Variants in MYCBP2 observed in about 807,000 individuals in gnomAD.
MYCBP2 encodes MYC binding protein 2.
In MYCBP2, 120 loss-of-function variants were observed where a neutral mutation model predicts 525.3. The ratio of observed to expected loss-of-function variants is 0.23; its 90% CI spans 0.20 to 0.27. The LOEUF (loss-of-function observed/expected upper bound fraction) is 0.27, where lower values mean the gene tolerates loss of function less well. MYCBP2 is among the 10% of genes least tolerant of loss of function. The pLI, the probability that MYCBP2 is intolerant of heterozygous loss-of-function variation, is 1.00. For missense variants in MYCBP2, 4,149 were observed against 5,657.1 expected, an observed-to-expected ratio of 0.73 and a Z score of 8.55; for synonymous variants, 1,894 against 1,955.8, an observed-to-expected ratio of 0.97 and a Z score of 0.83.
chr13:77,186,871 T>C (rs2060777328), intron 30 of MYCBP2, among the ~76,000 whole-genome samples: 1 of 148,992 alleles, frequency 6.7e-6, no homozygotes, highest in African/African-American at 2.5e-5. Flanking sequence ...AATGGTGTGA[T>C]CACGGGTCAC....
At chr13:77,297,392 G>C (rs1432178870) in intron 1 of MYCBP2, among the ~76,000 whole-genome samples, 3 of 152,154 alleles carry the variant, frequency 2.0e-5, no homozygotes, top group Non-Finnish European at 2.9e-5. Context: ...TCAGAGACTT[G>C]AATGGAAAGC....
intron 55 of MYCBP2, among the ~76,000 whole-genome samples, chr13:77,106,098 G>T (rs1461983547): frequency 6.6e-6 from 1 of 152,038 alleles, no homozygotes; most frequent in African/African-American, 2.4e-5. Context: ...TCAGGACCCT[G>T]ACCTTATCTC....
chr13:77,071,229 A>ATGTG (rs201896706), intron 68 of MYCBP2, among the ~76,000 whole-genome samples: 14 of 26,036 alleles, frequency 5.4e-4, no homozygotes, highest in Admixed American at 1.1e-3. Context: ...ATATGTATAT[A>ATGTG]TGTGTGTGTA....
chr13:77,198,536 G>T (rs191080016), intron 26 of MYCBP2, among the ~76,000 whole-genome samples: 146 of 152,302 alleles, frequency 9.6e-4, no homozygotes, highest in African/African-American at 3.2e-3. Context: ...AATTCAGGCA[G>T]AAACTATAGT....
intron 55 of MYCBP2, among the ~76,000 whole-genome samples, chr13:77,120,438 A>G (rs1443295731): frequency 6.6e-6 from 1 of 152,176 alleles, no homozygotes; most frequent in Non-Finnish European, 1.5e-5. Flanking sequence ...TTCCTTATAC[A>G]TTTTGTTCAC....
chr13:77,196,230 C>T (rs1164821059), intron 26 of MYCBP2, among the ~76,000 whole-genome samples: 1 of 152,158 alleles, frequency 6.6e-6, no homozygotes, highest in Non-Finnish European at 1.5e-5. Context: ...AGGCCAGTGT[C>T]ACTGGATTAG....
chr13:77,155,203 C>T lies in MYCBP2; in HGVS notation c.6915+855G>A, dbSNP rs539845883. ...GTAAGCAATGTGTTCTTATTTTTTA[C>T]TTAGGTAAGATGCTACATTGGCATT... On this transcript the variant is annotated intron_variant, in intron 46 of 82. Transcript: ENST00000544440. Among the ~76,000 whole-genome samples, 93 of 152,056 alleles carry T rather than the reference C, an allele frequency of 6.1e-4. 1 individual carries two copies. The highest frequency in any genetic ancestry group is 2.1e-3 in the African/African-American group (87 of 41,502).
chr13:77,243,033 A>C, intron 17 of MYCBP2, 26 bp downstream of exon 17: 1 of 1,597,982 alleles, frequency 6.3e-7, no homozygotes, highest in South Asian at 1.1e-5. Flanking sequence ...ATTTTCATGT[A>C]CTTTTTCTCT....
At chr13:77,159,122 A>G (rs2057562058) in intron 44 of MYCBP2, among the ~76,000 whole-genome samples, 1 of 152,198 alleles carries the variant, frequency 6.6e-6, no homozygotes, top group Admixed American at 6.5e-5. Context: ...TCATCTTTGG[A>G]ATCAAATAGA....
At chr13:77,107,223 T>C (rs1441913417) in intron 55 of MYCBP2, among the ~76,000 whole-genome samples, 1 of 152,150 alleles carries the variant, frequency 6.6e-6, no homozygotes, top group Non-Finnish European at 1.5e-5. Flanking sequence ...CAAGAAACAG[T>C]AAATAGGTCT....
At chr13:77,205,102 AAT>A (rs2063172173) in intron 26 of MYCBP2, among the ~76,000 whole-genome samples, 152 bp downstream of exon 26, 1 of 152,044 alleles carries the variant, frequency 6.6e-6, no homozygotes, top group African/African-American at 2.4e-5. Context: ...CGATTTTAGC[AAT>A]GTTTTCTCTA....
chr13:77,129,657 T>C (rs370036386), intron 52 of MYCBP2: 1 of 152,362 alleles, frequency 6.6e-6, no homozygotes, highest in South Asian at 2.1e-4. Flanking sequence ...ATTATCATTA[T>C]GAATAATAAT....
rs758958163 is a variant in MYCBP2 at position 77,262,163 on chromosome 13, T to G, written c.1571-34A>C. ...CGAGACTAATAAATACTATTGCATTTCTAATATGAAGAATTCTAAATACAA... is the reference window on the plus strand; with the variant it reads ...CGAGACTAATAAATACTATTGCATTGCTAATATGAAGAATTCTAAATACAA... On this transcript the variant is annotated intron_variant, in intron 10 of 82. Coordinates refer to ENST00000544440, the MANE Select transcript of MYCBP2 (RefSeq NM_015057.5). The G allele has an allele frequency of 2.6e-6, 4 of 1,539,350 alleles. No individual in the cohort carries two copies. The East Asian group carries it at 9.0e-5, about 35-fold the overall frequency.
chr13:77,171,542 G>A lies in MYCBP2; in HGVS notation c.5744C>T (p.Thr1915Ile). Residue 1915 changes from threonine (T) to isoleucine (I), a missense_variant, in exon 38 of 83, where the codon ACT becomes ATT. By Grantham distance (89) the Thr-to-Ile change is moderately conservative (BLOSUM62 -1). Transcript: ENST00000544440. Reference sequence around the variant, plus strand: ...GAGGTCCTTAGAGGCTCGAACGACAGTGCTTACAACAGACAATGCTCTGCT... The same window carrying A: ...GAGGTCCTTAGAGGCTCGAACGACAATGCTTACAACAGACAATGCTCTGCT... ...NCSRALSVVSTVVRASKDLLH... is the reference protein window; with the variant it reads ...NCSRALSVVSIVVRASKDLLH... 6.2e-7 allele frequency: 1 copy of A among 1,614,122 alleles called. No individual in the cohort carries two copies. Among genetic ancestry groups the A allele is most frequent in the African/African-American group, 1.3e-5 (1 of 75,042 alleles).
At chr13:77,197,811 A>G (rs565798427) in intron 26 of MYCBP2, among the ~76,000 whole-genome samples, 1 of 152,340 alleles carries the variant, frequency 6.6e-6, no homozygotes, top group East Asian at 1.9e-4. Flanking sequence ...AAGACTGACT[A>G]CTGTTGAAAG....
At chr13:77,063,412 A>G (rs537999581) in intron 73 of MYCBP2, among the ~76,000 whole-genome samples, 18 of 152,200 alleles carry the variant, frequency 1.2e-4, no homozygotes, top group Admixed American at 1.2e-3. Context: ...AAAAAAAATT[A>G]GCCAGGTGTG....
intron 54 of MYCBP2, 118 bp from the exon 55 acceptor site, chr13:77,121,613 T>A (rs897028493): frequency 2.0e-6 from 2 of 1,007,450 alleles, no homozygotes; most frequent in African/African-American, 3.3e-5. Context: ...TAAGCTCACA[T>A]CTAGATTTGA....
intron 34 of MYCBP2, among the ~76,000 whole-genome samples, chr13:77,179,865 T>C (rs1440039587): frequency 6.6e-6 from 1 of 152,116 alleles, no homozygotes; most frequent in Non-Finnish European, 1.5e-5. Flanking sequence ...GGTGGGCTTG[T>C]GCAATGGGGC....
chr13:77,138,271 C>T (rs1276824260), intron 52 of MYCBP2, among the ~76,000 whole-genome samples: 2 of 152,024 alleles, frequency 1.3e-5, no homozygotes, highest in East Asian at 3.9e-4. Context: ...AGAATGAGAT[C>T]AATAAATAGA....
Sources: gnomAD v4.1 joint callset for allele counts (sites outside exome capture counted in the v4.1 genomes callset) on GRCh38, gnomAD v4.1.1 for gene constraint, MANE v1.5 for transcripts, NCBI Gene and HGNC (gene_info 2026-07-23, HGNC 2026-07-21) for gene names.